Variants in OR51S1 observed in about 807,000 individuals in gnomAD.
The protein encoded by OR51S1 is olfactory receptor 51S1.
OR51S1 carries 1 observed loss-of-function variant against 0.3 expected under a neutral mutation model. That is an observed-to-expected ratio of 3.51 (90% confidence interval 1.25 to 16.67). The LOEUF is 16.67. Ranked by LOEUF, OR51S1 falls within the 30% of genes most tolerant of loss-of-function variation. OR51S1 has a pLI of 0.12. For synonymous variants in OR51S1, 180 were observed against 159.4 expected (o/e 1.13, Z -0.97); for missense variants, 479 against 393.8 (o/e 1.22, Z -1.83).
At position 4,848,508 on chromosome 11, in the gene OR51S1, C is replaced by T; in HGVS notation, c.701G>A (p.Gly234Asp). ...SYGLIGKVLQ[G>D]VESREDRWKA... The stretch of plus-strand genomic sequence containing the variant: ...CCAGCGATCCTCTCTGGACTCCACA[C>T]CTTGCAACACCTTGCCAATCAGGCC... Residue 234 changes from glycine to aspartate, a missense_variant, in exon 1 of 1, where the codon GGT becomes GAT. Gly to Asp is a moderately conservative substitution (Grantham distance 94, BLOSUM62 -1). Coordinates refer to ENST00000322101, the MANE Select transcript of OR51S1 (RefSeq NM_001004758.1). 1 of 1,613,456 alleles carries T rather than the reference C, an allele frequency of 6.2e-7. No homozygotes were observed. The highest frequency in any genetic ancestry group is 8.5e-7 in the Non-Finnish European group (1 of 1,179,712).
chr11:4,848,395 C>T lies in OR51S1; in HGVS notation c.814G>A (p.Glu272Lys), dbSNP rs774692080. 3 of 1,613,934 alleles carry T rather than the reference C, an allele frequency of 1.9e-6. No homozygotes were observed. Among genetic ancestry groups the T allele is most frequent in the East Asian group, 2.2e-5 (1 of 44,864 alleles). Reference protein sequence around the residue: ...MILLALINHPELPITQHTHTL... With the variant: ...MILLALINHPKLPITQHTHTL... ...TGGGTATGCTGAGTGATTGGCAGCT[C>T]AGGATGGTTAATCAGTGCCAGGAGG... The change falls in exon 1 of 1, where the codon GAG becomes AAG. Residue 272 changes from glutamate (E) to lysine (K), a missense_variant. By Grantham distance (56) the Glu-to-Lys change is moderately conservative (BLOSUM62 1). Transcript: ENST00000322101.
In OR51S1 at chr11:4,849,009, A is replaced by T. The variant is rs1177748275; in HGVS notation, c.200T>A (p.Met67Lys). Reference protein sequence around the residue: ...IALQPALHRPMHFFLFLLSVS... With the variant: ...IALQPALHRPKHFFLFLLSVS... ...ACTAAGCAAGAAGAGGAAGAAGTGC[A>T]TTGGGCGGTGCAGGGCGGGCTGCAG... is the stretch of plus-strand genomic sequence containing the variant. Residue 67 changes from methionine (M) to lysine (K), a missense_variant, in exon 1 of 1, where the codon ATG becomes AAG. By Grantham distance (95) the Met-to-Lys change is moderately conservative. Coordinates refer to ENST00000322101, the MANE Select transcript of OR51S1 (RefSeq NM_001004758.1). The T allele has an allele frequency of 1.9e-6, 3 of 1,614,016 alleles. No homozygotes were observed. Among genetic ancestry groups the T allele is most frequent in the East Asian group, 4.5e-5 (2 of 44,876 alleles).
In OR51S1 at chr11:4,848,249, A is replaced by G; in HGVS notation, c.960T>C (p.Gly320=). ...AGGGACATCCTACTCACTGAGCACC[A>G]CCCACCTTCCTGGGCTGCAACCTGT... ...ILNRLQPRKV[G]GAQ Residue 320 remains glycine, a synonymous_variant, in exon 1 of 1, where the codon GGT becomes GGC. Coordinates refer to ENST00000322101, the MANE Select transcript of OR51S1 (RefSeq NM_001004758.1). The G allele has an allele frequency of 6.2e-7, 1 of 1,605,858 alleles. No homozygotes were observed. The highest frequency in any genetic ancestry group is 8.5e-7 in the Non-Finnish European group (1 of 1,175,694).
chr11:4,848,501 C>T lies in OR51S1; in HGVS notation c.708G>A (p.Glu236=). Reference sequence around the variant, plus strand: ...CAGCCTTCCAGCGATCCTCTCTGGACTCCACACCTTGCAACACCTTGCCAA... The same window carrying T: ...CAGCCTTCCAGCGATCCTCTCTGGATTCCACACCTTGCAACACCTTGCCAA... ...GLIGKVLQGV[E]SREDRWKAGQ... Residue 236 remains glutamate (E), a synonymous_variant, in exon 1 of 1, where the codon GAG becomes GAA. Coordinates refer to ENST00000322101, the MANE Select transcript of OR51S1 (RefSeq NM_001004758.1). 4 of 1,613,714 alleles carry T rather than the reference C, an allele frequency of 2.5e-6. No homozygotes were observed. In the Middle Eastern group the frequency reaches 5.0e-4, roughly 200 times the overall value.
chr11:4,848,711 G>A lies in OR51S1; in HGVS notation c.498C>T (p.Pro166=). 6.2e-7 allele frequency: 1 copy of A among 1,614,098 alleles called. No individual in the cohort carries two copies. The highest frequency in any genetic ancestry group is 1.7e-5 in the Admixed American group (1 of 60,010). ...GCATGTAGGCCAGCAGGAATGGCAGGGGCAGATGGAGACCCAGGCATCGAA... is the reference window on the plus strand; with the variant it reads ...GCATGTAGGCCAGCAGGAATGGCAGAGGCAGATGGAGACCCAGGCATCGAA... The part of the protein sequence containing the change: ...ISFRCLGLHL[P]LPFLLAYMPY... The change falls in exon 1 of 1, where the codon CCC becomes CCT. Residue 166 remains proline (P), a synonymous_variant. Coordinates refer to ENST00000322101, the MANE Select transcript of OR51S1 (RefSeq NM_001004758.1).
rs554479689 is a variant in OR51S1, at chr11:4,848,416, G to A, written c.793C>T (p.Leu265=). The A allele has an allele frequency of 2.5e-6, 4 of 1,614,036 alleles. No individual in the cohort carries two copies. In the South Asian group the frequency reaches 3.3e-5, roughly 13 times the overall value. Residue 265 remains leucine (L), a synonymous_variant, in exon 1 of 1, where the codon CTG becomes TTG. Coordinates refer to ENST00000322101, the MANE Select transcript of OR51S1 (RefSeq NM_001004758.1). ...VLLFYIPMIL[L]ALINHPELPI... is the part of the protein sequence containing the mutation. ...AGCTCAGGATGGTTAATCAGTGCCAGGAGGATCATAGGGATATAGAAGAGG... is the reference window on the plus strand; with the variant it reads ...AGCTCAGGATGGTTAATCAGTGCCAAGAGGATCATAGGGATATAGAAGAGG...
Position 4,848,421 on chromosome 11 carries a change from A to G in OR51S1, c.788T>C (p.Ile263Thr), listed in dbSNP as rs1327203833. 1 of 1,613,778 alleles carries G rather than the reference A, an allele frequency of 6.2e-7. No individual in the cohort carries two copies. Among genetic ancestry groups the G allele is most frequent in the African/African-American group, 1.3e-5 (1 of 74,886 alleles). The change falls in exon 1 of 1, where the codon ATC becomes ACC. Residue 263 changes from isoleucine to threonine, a missense_variant. By Grantham distance (89) the Ile-to-Thr change is moderately conservative. Transcript: ENST00000322101. The part of the protein sequence containing the change: ...SAVLLFYIPM[I>T]LLALINHPEL... ...AGGATGGTTAATCAGTGCCAGGAGG[A>G]TCATAGGGATATAGAAGAGGAGCAC...
At position 4,848,406 on chromosome 11, in the gene OR51S1, A is replaced by G; in HGVS notation, c.803T>C (p.Ile268Thr). The G allele has an allele frequency of 6.2e-7, 1 of 1,614,064 alleles. No homozygotes were observed. Among genetic ancestry groups the G allele is most frequent in the South Asian group, 1.1e-5 (1 of 91,074 alleles). The change falls in exon 1 of 1, where the codon ATT becomes ACT. Residue 268 changes from isoleucine to threonine, a missense_variant. Transcript: ENST00000322101. ...AGTGATTGGCAGCTCAGGATGGTTA[A>G]TCAGTGCCAGGAGGATCATAGGGAT... is the stretch of plus-strand genomic sequence containing the variant. ...FYIPMILLAL[I>T]NHPELPITQH... is the part of the protein sequence containing the mutation.
rs775998313 is a variant in OR51S1, at chr11:4,848,388, G to A, written c.821C>T (p.Pro274Leu). The change falls in exon 1 of 1, where the codon CCA becomes CTA. Residue 274 changes from proline to leucine, a missense_variant. Transcript: ENST00000322101. ...AAGAGTATGGGTATGCTGAGTGATT[G>A]GCAGCTCAGGATGGTTAATCAGTGC... is the stretch of plus-strand genomic sequence containing the variant. The part of the protein sequence containing the change: ...LLALINHPEL[P>L]ITQHTHTLLS... 7.4e-6 allele frequency: 12 copies of A among 1,613,880 alleles called. No individual in the cohort carries two copies. The highest frequency in any genetic ancestry group is 3.3e-4 in the Middle Eastern group (2 of 6,084).
Position 4,848,898 on chromosome 11 carries a change from G to A in OR51S1, c.311C>T (p.Ala104Val), listed in dbSNP as rs776320504. The change falls in exon 1 of 1, where the codon GCC (alanine) becomes GTC (valine). Residue 104 changes from alanine to valine, a missense_variant. Coordinates refer to ENST00000322101, the MANE Select transcript of OR51S1 (RefSeq NM_001004758.1). ...LAGAHTVPAS[A>V]CLLQMVFIHV... The stretch of plus-strand genomic sequence containing the variant: ...GATAAAAACCATCTGTAGAAGGCAG[G>A]CTGAGGCAGGGACAGTGTGAGCACC... The A allele has an allele frequency of 1.2e-6, 2 of 1,614,156 alleles. No individual in the cohort carries two copies. Among genetic ancestry groups the A allele is most frequent in the Non-Finnish European group, 8.5e-7 (1 of 1,180,010 alleles).
Position 4,848,328 on chromosome 11 carries a change from A to T in OR51S1, c.881T>A (p.Ile294Lys). The change falls in exon 1 of 1, where the codon ATA becomes AAA. Residue 294 changes from isoleucine (I) to lysine (K), a missense_variant. Physicochemically the swap from Ile to Lys is moderately radical, Grantham distance 102. Transcript: ENST00000322101. ...SYVHFLLPPLINPILYSVKMK... is the reference protein window; with the variant it reads ...SYVHFLLPPLKNPILYSVKMK... ...CTTGACACTATAGAGAATAGGGTTTATCAATGGAGGAAGAAGGAAATGGAC... is the reference window on the plus strand; with the variant it reads ...CTTGACACTATAGAGAATAGGGTTTTTCAATGGAGGAAGAAGGAAATGGAC... 2.5e-6 allele frequency: 4 copies of T among 1,614,152 alleles called. No homozygotes were observed. Among genetic ancestry groups the T allele is most frequent in the Non-Finnish European group, 2.5e-6 (3 of 1,180,014 alleles).
In OR51S1 at chr11:4,848,445, A is replaced by G. The variant is rs769111593; in HGVS notation, c.764T>C (p.Val255Ala). ...GQTCAAHLSA[V>A]LLFYIPMILL... ...GATCATAGGGATATAGAAGAGGAGC[A>G]CTGCAGAGAGGTGGGCAGCACAGGT... The change falls in exon 1 of 1, where the codon GTG (valine) becomes GCG (alanine). Residue 255 changes from valine (V) to alanine (A), a missense_variant. Val to Ala is a moderately conservative substitution (Grantham distance 64, BLOSUM62 0). Coordinates refer to ENST00000322101, the MANE Select transcript of OR51S1 (RefSeq NM_001004758.1). The G allele has an allele frequency of 1.2e-6, 2 of 1,613,972 alleles. No homozygotes were observed. Among genetic ancestry groups the G allele is most frequent in the Non-Finnish European group, 8.5e-7 (1 of 1,179,908 alleles).
In OR51S1 at chr11:4,848,283, C is replaced by G; in HGVS notation, c.926G>C (p.Arg309Thr). 6.2e-7 allele frequency: 1 copy of G among 1,613,604 alleles called. No individual in the cohort carries two copies. The highest frequency in any genetic ancestry group is 8.5e-7 in the Non-Finnish European group (1 of 1,179,700). ...YSVKMKEIRK[R>T]ILNRLQPRKV... ...CCTGGGCTGCAACCTGTTGAGTATT[C>G]TCTTTCTAATCTCCTTCATCTTGAC... Residue 309 changes from arginine to threonine, a missense_variant, in exon 1 of 1, where the codon AGA (arginine) becomes ACA (threonine). Coordinates refer to ENST00000322101, the MANE Select transcript of OR51S1 (RefSeq NM_001004758.1).
chr11:4,848,517 A>G lies in OR51S1; in HGVS notation c.692T>C (p.Val231Ala). Residue 231 changes from valine (V) to alanine (A), a missense_variant, in exon 1 of 1, where the codon GTG becomes GCG. Coordinates refer to ENST00000322101, the MANE Select transcript of OR51S1 (RefSeq NM_001004758.1). ...IFFSYGLIGK[V>A]LQGVESREDR... ...CTCTCTGGACTCCACACCTTGCAAC[A>G]CCTTGCCAATCAGGCCATAGGAGAA... 1 of 1,613,442 alleles carries G rather than the reference A, an allele frequency of 6.2e-7. No homozygotes were observed.
rs747591825 is a variant in OR51S1, at chr11:4,848,306, G to A, written c.903C>T (p.Val301=). 20 of 1,613,822 alleles carry A rather than the reference G, an allele frequency of 1.2e-5. No homozygotes were observed. In the African/African-American group the frequency reaches 2.5e-4, roughly 20 times the overall value. Residue 301 remains valine, a synonymous_variant, in exon 1 of 1, where the codon GTC becomes GTT. Coordinates refer to ENST00000322101, the MANE Select transcript of OR51S1 (RefSeq NM_001004758.1). ...TTCTCTTTCTAATCTCCTTCATCTTGACACTATAGAGAATAGGGTTTATCA... is the reference window on the plus strand; with the variant it reads ...TTCTCTTTCTAATCTCCTTCATCTTAACACTATAGAGAATAGGGTTTATCA... ...PPLINPILYS[V]KMKEIRKRIL... is the part of the protein sequence containing the mutation.
Position 4,848,915 on chromosome 11 carries a change from G to C in OR51S1, c.294C>G (p.His98Gln), listed in dbSNP as rs868370202. ...TLLGIALAGA[H>Q]TVPASACLLQ... ...GAAGGCAGGCTGAGGCAGGGACAGT[G>C]TGAGCACCAGCAAGGGCGATGCCCA... Residue 98 changes from histidine (H) to glutamine (Q), a missense_variant, in exon 1 of 1, where the codon CAC (histidine) becomes CAG (glutamine). By Grantham distance (24) the His-to-Gln change is conservative. Transcript: ENST00000322101. The C allele has an allele frequency of 3.1e-6, 5 of 1,614,094 alleles. No homozygotes were observed. Among genetic ancestry groups the C allele is most frequent in the Non-Finnish European group, 4.2e-6 (5 of 1,179,952 alleles).
rs752943873 is a variant in OR51S1, at chr11:4,848,241, T to C, written c.968A>G (p.Gln323Arg). The C allele has an allele frequency of 6.2e-7, 1 of 1,600,562 alleles. No individual in the cohort carries two copies. Among genetic ancestry groups the C allele is most frequent in the East Asian group, 2.2e-5 (1 of 44,834 alleles). Residue 323 changes from glutamine (Q) to arginine (R), a missense_variant, in exon 1 of 1, where the codon CAG (glutamine) becomes CGG (arginine). By Grantham distance (43) the Gln-to-Arg change is conservative. Coordinates refer to ENST00000322101, the MANE Select transcript of OR51S1 (RefSeq NM_001004758.1). ...RLQPRKVGGA[Q>R] ...AAACACGGAGGGACATCCTACTCAC[T>C]GAGCACCACCCACCTTCCTGGGCTG...
rs781340870 is a variant in OR51S1, at chr11:4,848,704, A to G, written c.505T>C (p.Phe169Leu). ...CAGTAGGGCATGTAGGCCAGCAGGA[A>G]TGGCAGGGGCAGATGGAGACCCAGG... ...RCLGLHLPLPFLLAYMPYCLP... is the reference protein window; with the variant it reads ...RCLGLHLPLPLLLAYMPYCLP... The change falls in exon 1 of 1, where the codon TTC becomes CTC. Residue 169 changes from phenylalanine to leucine, a missense_variant. Phe to Leu is a conservative substitution (Grantham distance 22). Coordinates refer to ENST00000322101, the MANE Select transcript of OR51S1 (RefSeq NM_001004758.1). 16 of 1,613,972 alleles carry G rather than the reference A, an allele frequency of 9.9e-6. No individual in the cohort carries two copies. In the Admixed American group the frequency reaches 1.3e-4, roughly 13 times the overall value.
Position 4,848,583 on chromosome 11 carries a change from A to G in OR51S1, c.626T>C (p.Val209Ala), listed in dbSNP as rs371893114. 5.6e-6 allele frequency: 9 copies of G among 1,606,748 alleles called. No individual in the cohort carries two copies. The African/African-American group carries it at 9.4e-5, about 17-fold the overall frequency. The change falls in exon 1 of 1, where the codon GTG becomes GCG. Residue 209 changes from valine to alanine, a missense_variant. Transcript: ENST00000322101. ...EAWGAAYSLF[V>A]VLSAMGLDPL... ...GTCCAAACCCATGGCTGAAAGAACC[A>G]CAAATAGGCTGTAGGCTGCACCCCA...
Sources: allele counts gnomAD v4.1 joint callset, GRCh38; gene constraint gnomAD v4.1.1; transcripts MANE v1.5; gene names NCBI Gene and HGNC (gene_info 2026-07-23, HGNC 2026-07-21).